The following LHFPL6 variants were observed in gnomAD, a reference collection of about 807,000 sequenced individuals.
LHFPL6 encodes the protein LHFPL tetraspan subfamily member 6 protein.
LHFPL6 carries 9 observed loss-of-function variants against 20.6 expected under a neutral mutation model. The ratio of observed to expected loss-of-function variants is 0.44; its 90% CI spans 0.26 to 0.76. The LOEUF is 0.76. Ranked by LOEUF, LHFPL6 falls within the 30% of genes least tolerant of loss-of-function variation. The probability of loss-of-function intolerance (pLI) is 0.20; values close to 1 mark genes in which losing one functional copy is unlikely to be tolerated. For synonymous variants in LHFPL6, 105 were observed against 98.7 expected (o/e 1.06, Z -0.38); for missense variants, 218 against 253.5 (o/e 0.86, Z 0.95).
At position 39,575,055 on chromosome 13, in the gene LHFPL6, G is replaced by A. The variant is rs151097800; in HGVS notation, c.385+25777C>T. Among the ~76,000 whole-genome samples the A allele has an allele frequency of 1.9e-3, 294 of 151,850 alleles. 3 individuals carry two copies. The highest frequency in any genetic ancestry group is 6.8e-3 in the Middle Eastern group (2 of 294). On this transcript the variant is annotated intron_variant, in intron 2 of 3. Coordinates refer to ENST00000379589, the MANE Select transcript of LHFPL6 (RefSeq NM_005780.3). ...TACTGCACTTTGGCCTCGCGACAGA[G>A]CAAACTCCATCTCAAGAAAAAAAAA...
At chr13:39,534,763 G>T (rs1168822496) in intron 2 of LHFPL6, among the ~76,000 whole-genome samples, 1 of 152,012 alleles carries the variant, frequency 6.6e-6, no homozygotes, top group African/African-American at 2.4e-5. Flanking sequence ...TTATAATTGT[G>T]GACCATATCT....
chr13:39,520,046 C>G (rs1870056237), intron 2 of LHFPL6, among the ~76,000 whole-genome samples: 1 of 152,158 alleles, frequency 6.6e-6, no homozygotes. Flanking sequence ...TTTCAGGATC[C>G]TCAGAAGGTT....
chr13:39,528,237 G>A (rs534387034), intron 2 of LHFPL6, among the ~76,000 whole-genome samples: 3 of 152,124 alleles, frequency 2.0e-5, no homozygotes, highest in South Asian at 4.2e-4. Context: ...GTCCTCTACC[G>A]TCTCCCCAAA....
At chr13:39,532,728 C>A (rs554895015) in intron 2 of LHFPL6, among the ~76,000 whole-genome samples, 2 of 152,108 alleles carry the variant, frequency 1.3e-5, no homozygotes, top group Non-Finnish European at 1.5e-5. Context: ...ATAATGCTGT[C>A]ATTCCAACTT....
rs539835089 is a variant in LHFPL6, at chr13:39,378,556, C to T, written c.386-30G>A. 5 of 1,523,644 alleles carry T rather than the reference C, an allele frequency of 3.3e-6. No homozygotes were observed. The East Asian group carries it at 1.1e-4, about 34-fold the overall frequency. The allele number at this position is 1,523,644 out of a possible 1,614,324, so 94.4% of individuals were successfully genotyped here. A position where few individuals can be genotyped will look rare whatever the true frequency, so the allele number is the denominator to read the frequency against. On this transcript the variant is annotated intron_variant, in intron 2 of 3. Transcript: ENST00000379589. ...AAAGAGATAAGACAAGAGGGCTTTA[C>T]CAGTGCTTCTCTGCATCACTAGATA...
At chr13:39,475,635 G>A (rs1873067708) in intron 2 of LHFPL6, among the ~76,000 whole-genome samples, 1 of 152,012 alleles carries the variant, frequency 6.6e-6, no homozygotes, top group East Asian at 1.9e-4. Context: ...CACACAAGGG[G>A]GCTTCCCAGA....
At position 39,417,239 on chromosome 13, in the gene LHFPL6, A is replaced by C. The variant is rs113002626; in HGVS notation, c.386-38713T>G. ...GACTAACTACCCAAGCTTTTTCCCAAAGGCACTGTTGGTTAACAGACATGT... is the reference window on the plus strand; with the variant it reads ...GACTAACTACCCAAGCTTTTTCCCACAGGCACTGTTGGTTAACAGACATGT... On this transcript the variant is annotated intron_variant, in intron 2 of 3. Coordinates refer to ENST00000379589, the MANE Select transcript of LHFPL6 (RefSeq NM_005780.3). Among the ~76,000 whole-genome samples, 355 of 152,286 alleles carry C rather than the reference A, an allele frequency of 2.3e-3. 4 individuals carry two copies. The highest frequency in any genetic ancestry group is 7.8e-3 in the African/African-American group (325 of 41,572).
At chr13:39,417,169 T>C (rs998797052) in intron 2 of LHFPL6, among the ~76,000 whole-genome samples, 1 of 152,194 alleles carries the variant, frequency 6.6e-6, no homozygotes, top group African/African-American at 2.4e-5. Context: ...TCCTGCCTTA[T>C]TCATATCCCT....
intron 3 of LHFPL6, among the ~76,000 whole-genome samples, chr13:39,372,453 G>T (rs1455002075): frequency 6.6e-6 from 1 of 151,894 alleles, no homozygotes; most frequent in African/African-American, 2.4e-5. Context: ...GCAAAAGAAA[G>T]AATTATGCAG....
intron 2 of LHFPL6, among the ~76,000 whole-genome samples, chr13:39,396,211 GC>G (rs1870838262): frequency 6.6e-6 from 1 of 152,052 alleles, no homozygotes; most frequent in South Asian, 2.1e-4. Flanking sequence ...CTCCACTGCT[GC>G]CCCCACCAGG....
chr13:39,546,104 A>G (rs1870974140), intron 2 of LHFPL6, among the ~76,000 whole-genome samples: 2 of 152,140 alleles, frequency 1.3e-5, no homozygotes, highest in African/African-American at 4.8e-5. Context: ...TGCATATTGT[A>G]AAATGATTAG....
intron 2 of LHFPL6, among the ~76,000 whole-genome samples, chr13:39,411,774 A>C (rs900268704): frequency 5.3e-5 from 8 of 152,224 alleles, no homozygotes; most frequent in Non-Finnish European, 8.8e-5. Context: ...ACCTCTAAAT[A>C]ATGACAAGCA....
At position 39,424,150 on chromosome 13, in the gene LHFPL6, A is replaced by G. The variant is rs73458836; in HGVS notation, c.386-45624T>C. Among the ~76,000 whole-genome samples, 786 of 152,336 alleles carry G rather than the reference A, an allele frequency of 5.2e-3. 5 individuals carry two copies. The highest frequency in any genetic ancestry group is 0.018 in the African/African-American group (738 of 41,578). ...GTTATAGAAAATTATCGTTTTTCCT[A>G]AAGTAGCTCATGCATTAAAATGAAA... On this transcript the variant is annotated intron_variant, in intron 2 of 3. Coordinates refer to ENST00000379589, the MANE Select transcript of LHFPL6 (RefSeq NM_005780.3).
chr13:39,441,237 C>T (rs1872123693), intron 2 of LHFPL6, among the ~76,000 whole-genome samples: 1 of 146,570 alleles, frequency 6.8e-6, no homozygotes, highest in African/African-American at 2.5e-5. Context: ...CCTCCTGCCT[C>T]TCCCTCCCAA....
chr13:39,404,945 A>G (rs996684470), intron 2 of LHFPL6, among the ~76,000 whole-genome samples: 2 of 152,224 alleles, frequency 1.3e-5, no homozygotes, highest in Non-Finnish European at 2.9e-5. Flanking sequence ...CCAAATTAAA[A>G]CTAGCCAACT....
chr13:39,465,556 C>T (rs559501429), intron 2 of LHFPL6, among the ~76,000 whole-genome samples: 3 of 152,162 alleles, frequency 2.0e-5, no homozygotes, highest in South Asian at 4.1e-4. Flanking sequence ...CCCGCAGTGC[C>T]GGGCACCCAA....
At chr13:39,564,615 C>T (rs941792056) in intron 2 of LHFPL6, among the ~76,000 whole-genome samples, 9 of 152,124 alleles carry the variant, frequency 5.9e-5, no homozygotes, top group African/African-American at 9.7e-5. Flanking sequence ...AATTGCACTA[C>T]GCTATTATAC....
chr13:39,444,906 TG>T (rs1213828795), intron 2 of LHFPL6, among the ~76,000 whole-genome samples: 1 of 152,150 alleles, frequency 6.6e-6, no homozygotes, highest in East Asian at 1.9e-4. Context: ...AACTCCAGCC[TG>T]GAAAAACTGC....
intron 2 of LHFPL6, among the ~76,000 whole-genome samples, chr13:39,392,509 G>A (rs1412480863): frequency 1.3e-5 from 2 of 152,100 alleles, no homozygotes; most frequent in Non-Finnish European, 2.9e-5. Context: ...CAGGAGAATC[G>A]CTTGAACCTG....
Sources: allele counts gnomAD v4.1 joint callset (sites outside exome capture counted in the v4.1 genomes callset), GRCh38; gene constraint gnomAD v4.1.1; transcripts MANE v1.5; gene names NCBI Gene and HGNC (gene_info 2026-07-23, HGNC 2026-07-21).